The following C16orf74 variants were observed in gnomAD, a reference collection of about 807,000 sequenced individuals.
C16orf74 encodes the protein uncharacterized protein C16orf74.
A neutral mutation model predicts 6.5 loss-of-function variants in C16orf74; 10 were observed. The ratio of observed to expected loss-of-function variants is 1.54; its 90% CI spans 0.95 to 2.61. The LOEUF (loss-of-function observed/expected upper bound fraction) is 2.61. Ranked by LOEUF, C16orf74 falls within the 30% of genes most tolerant of loss-of-function variation. The probability of loss-of-function intolerance (pLI) is 0.00; values close to 1 mark genes in which losing one functional copy is unlikely to be tolerated. For missense variants in C16orf74, 141 were observed against 105.9 expected, an observed-to-expected ratio of 1.33 and a Z score of -1.45; for synonymous variants, 60 against 42.5, an observed-to-expected ratio of 1.41 and a Z score of -1.60.
At chr16:85,719,597 T>C (rs2054058820) in intron 2 of C16orf74, among the ~76,000 whole-genome samples, 1 of 152,070 alleles carries the variant, frequency 6.6e-6, no homozygotes, top group Non-Finnish European at 1.5e-5. Context: ...CACAAAGATA[T>C]TTCCAAGATC....
chr16:85,742,083 A>T (rs2054314970), intron 1 of C16orf74, among the ~76,000 whole-genome samples: 1 of 152,112 alleles, frequency 6.6e-6, no homozygotes, highest in African/African-American at 2.4e-5. Flanking sequence ...GTTAAAAAGA[A>T]GCCTGGTGGC....
chr16:85,716,099 G>A (rs978701161), intron 2 of C16orf74, among the ~76,000 whole-genome samples: 2 of 152,078 alleles, frequency 1.3e-5, no homozygotes, highest in Non-Finnish European at 2.9e-5. Flanking sequence ...CCCCTTCCTC[G>A]GTGAATACTC....
intron 2 of C16orf74, among the ~76,000 whole-genome samples, chr16:85,726,546 G>T (rs554603836): frequency 6.6e-6 from 1 of 152,280 alleles, no homozygotes; most frequent in African/African-American, 2.4e-5. Flanking sequence ...AGGAGCCTGA[G>T]CCCATTTTAC....
At chr16:85,748,469 G>A (rs190585234) in intron 1 of C16orf74, among the ~76,000 whole-genome samples, 3 of 151,988 alleles carry the variant, frequency 2.0e-5, no homozygotes, top group East Asian at 1.9e-4. Flanking sequence ...ATGGTGGCAC[G>A]CACCTGTAAT....
intron 2 of C16orf74, among the ~76,000 whole-genome samples, chr16:85,723,815 T>A (rs1323773744): frequency 6.6e-6 from 1 of 152,134 alleles, no homozygotes. Context: ...TGGTGTGTGC[T>A]GTTGGGTGAC....
chr16:85,717,823 G>A (rs1487349880), intron 2 of C16orf74, among the ~76,000 whole-genome samples: 1 of 152,212 alleles, frequency 6.6e-6, no homozygotes, highest in Non-Finnish European at 1.5e-5. Context: ...GGCTTGACGT[G>A]GCTCCAGGCC....
chr16:85,733,864 A>G (rs2054216723), intron 2 of C16orf74, among the ~76,000 whole-genome samples: 1 of 152,168 alleles, frequency 6.6e-6, no homozygotes, highest in African/African-American at 2.4e-5. Context: ...CACCAGGGGA[A>G]CCAATCTCTC....
chr16:85,733,590 A>G (rs562617339), intron 2 of C16orf74, among the ~76,000 whole-genome samples: 1 of 152,310 alleles, frequency 6.6e-6, no homozygotes, highest in African/African-American at 2.4e-5. Flanking sequence ...AGTATCCTCA[A>G]TGCCTACTTT....
chr16:85,727,574 T>G (rs1038746933), intron 2 of C16orf74, among the ~76,000 whole-genome samples: 1 of 150,888 alleles, frequency 6.6e-6, no homozygotes, highest in Non-Finnish European at 1.5e-5. Flanking sequence ...CTTTGGCAGG[T>G]TGAGGCAGGA....
chr16:85,731,019 C>CATGG (rs1169604672), intron 2 of C16orf74, among the ~76,000 whole-genome samples: 2 of 152,212 alleles, frequency 1.3e-5, no homozygotes, highest in African/African-American at 4.8e-5. Flanking sequence ...GTACCTTATT[C>CATGG]ATGGGACTGC....
intron 3 of C16orf74, among the ~76,000 whole-genome samples, chr16:85,709,292 T>C (rs1371306035): frequency 6.6e-6 from 1 of 152,104 alleles, no homozygotes; most frequent in African/African-American, 2.4e-5. Context: ...AGGTGGAGGT[T>C]GCAGTGAGCT....
chr16:85,714,532 G>A (rs2054002574), intron 2 of C16orf74, among the ~76,000 whole-genome samples: 1 of 151,848 alleles, frequency 6.6e-6, no homozygotes, highest in Non-Finnish European at 1.5e-5. Flanking sequence ...CGATTCTTCT[G>A]CCTCAGCCTC....
At chr16:85,723,693 T>C (rs997255327) in intron 2 of C16orf74, among the ~76,000 whole-genome samples, 5 of 152,216 alleles carry the variant, frequency 3.3e-5, no homozygotes, top group African/African-American at 1.2e-4. Context: ...GAAGTCCTGC[T>C]TGGGCAAGGC....
At chr16:85,720,799 G>A (rs1392624542) in intron 2 of C16orf74, among the ~76,000 whole-genome samples, 1 of 151,224 alleles carries the variant, frequency 6.6e-6, no homozygotes, top group African/African-American at 2.4e-5. Flanking sequence ...AAAGCGGTTG[G>A]GGGTGGCGCT....
chr16:85,735,445 C>G (rs533086672), intron 1 of C16orf74, among the ~76,000 whole-genome samples: 1 of 152,318 alleles, frequency 6.6e-6, no homozygotes, highest in Non-Finnish European at 1.5e-5. Flanking sequence ...AAAAAACTTA[C>G]GGGTGCCTCA....
chr16:85,739,073 G>A (rs2054275430), intron 1 of C16orf74, among the ~76,000 whole-genome samples: 1 of 152,162 alleles, frequency 6.6e-6, no homozygotes, highest in Non-Finnish European at 1.5e-5. Flanking sequence ...GGGCGGAGCA[G>A]ACCTCATCTC....
Position 85,710,267 on chromosome 16 carries a change from G to T in C16orf74, c.69C>A (p.Asp23Glu). 1 of 1,516,332 alleles carries T rather than the reference G, an allele frequency of 6.6e-7. No individual in the cohort carries two copies. 93.9% of individuals were successfully genotyped at this position (1,516,332 alleles called of 1,614,324 possible). ...MCVSSSSSSH[D>E]EAPVLNDKHL... ...GCTTGTCGTTCAGGACGGGGGCCTC[G>T]TCGTGGCTGCTGCTGCTGCTGCTGA... Residue 23 changes from aspartate (D) to glutamate (E), a missense_variant, in exon 3 of 4, where the codon GAC becomes GAA. Physicochemically the swap from Asp to Glu is conservative, Grantham distance 45. Transcript: ENST00000284245.
intron 2 of C16orf74, among the ~76,000 whole-genome samples, chr16:85,727,548 G>A (rs1167713057): frequency 6.6e-6 from 1 of 151,986 alleles, no homozygotes; most frequent in African/African-American, 2.4e-5. Flanking sequence ...GGTGGCTCAC[G>A]CCTGTAATCC....
chr16:85,749,367 C>T (rs1216274750), intron 1 of C16orf74, among the ~76,000 whole-genome samples: 1 of 152,070 alleles, frequency 6.6e-6, no homozygotes, highest in African/African-American at 2.4e-5. Context: ...CTCACTGTAG[C>T]CTCAACTTCT....
Sources: allele counts gnomAD v4.1 joint callset (sites outside exome capture counted in the v4.1 genomes callset), GRCh38; gene constraint gnomAD v4.1.1; transcripts MANE v1.5; gene names NCBI Gene and HGNC (gene_info 2026-07-23, HGNC 2026-07-21).